The following C8orf90 variants were observed in gnomAD, a reference collection of about 807,000 sequenced individuals.
C8orf90 encodes the protein chromosome 8 open reading frame 90.
chr8:141,518,526 G>C, the C8orf90 span: 1 of 539,598 alleles, frequency 1.9e-6, no homozygotes, highest in Non-Finnish European at 3.2e-6. Flanking sequence ...CCCAGGCAGC[G>C]ATGCGCAAGC....
At chr8:141,516,676 T>G in the C8orf90 span, among the ~76,000 whole-genome samples, 1 of 152,142 alleles carries the variant, frequency 6.6e-6, no homozygotes, top group African/African-American at 2.4e-5. Context: ...GGCTTAAACA[T>G]CATCTCCCCA....
At chr8:141,516,971 T>C in the C8orf90 span, among the ~76,000 whole-genome samples, 1 of 152,206 alleles carries the variant, frequency 6.6e-6, no homozygotes, top group Non-Finnish European at 1.5e-5. Context: ...GTGCTCCTCA[T>C]GGCTGTAGTC....
At chr8:141,515,527 C>T in the C8orf90 span, among the ~76,000 whole-genome samples, 3 of 151,796 alleles carry the variant, frequency 2.0e-5, no homozygotes, top group South Asian at 2.1e-4. Flanking sequence ...CACCCAGCCA[C>T]CCACCCGACA....
At chr8:141,515,201 C>A in the C8orf90 span, among the ~76,000 whole-genome samples, 1 of 150,750 alleles carries the variant, frequency 6.6e-6, no homozygotes, top group Non-Finnish European at 1.5e-5. Flanking sequence ...CACCCATCCA[C>A]CCACCCATTC....
the C8orf90 span, chr8:141,518,673 G>T: frequency 1.8e-6 from 1 of 543,386 alleles, no homozygotes; most frequent in Middle Eastern, 4.0e-4. Flanking sequence ...CCCCAGGCTG[G>T]CCCAGGCCCC....
At chr8:141,518,514 G>T in the C8orf90 span, 64 of 564,954 alleles carry the variant, frequency 1.1e-4, no homozygotes, top group Non-Finnish European at 1.9e-4. Context: ...TGCACGCCAC[G>T]GCCCAGGCAG....
the C8orf90 span, among the ~76,000 whole-genome samples, chr8:141,515,158 G>GCAGC: frequency 1.5e-5 from 1 of 67,690 alleles, no homozygotes; most frequent in Non-Finnish European, 3.2e-5. Flanking sequence ...AGTGGGAGGG[G>GCAGC]CAGCCAGCCA....
chr8:141,516,205 G>A, the C8orf90 span, among the ~76,000 whole-genome samples: 6 of 152,100 alleles, frequency 3.9e-5, no homozygotes, highest in African/African-American at 9.7e-5. Context: ...TTCCCAGGTC[G>A]TTCCCACTGG....
chr8:141,516,950 C>A, the C8orf90 span, among the ~76,000 whole-genome samples: 1 of 152,216 alleles, frequency 6.6e-6, no homozygotes, highest in Non-Finnish European at 1.5e-5. Context: ...GGTGGAAGGA[C>A]CCCCACGTCT....
chr8:141,518,615 C>T, the C8orf90 span: 1 of 495,676 alleles, frequency 2.0e-6, no homozygotes, highest in Non-Finnish European at 3.5e-6. Flanking sequence ...TGCCCGGCCC[C>T]GCCGCCGCCT....
At chr8:141,515,897 T>G in the C8orf90 span, among the ~76,000 whole-genome samples, 4 of 152,186 alleles carry the variant, frequency 2.6e-5, no homozygotes, top group African/African-American at 4.8e-5. Context: ...TCTCCTCACC[T>G]AGCAACCACC....
At chr8:141,516,113 G>C in the C8orf90 span, among the ~76,000 whole-genome samples, 13 of 152,288 alleles carry the variant, frequency 8.5e-5, no homozygotes, top group Non-Finnish European at 1.6e-4. Context: ...GCAGCATTCA[G>C]CTTCTCCCAT....
the C8orf90 span, chr8:141,518,167 C>A: frequency 1.9e-6 from 1 of 535,270 alleles, no homozygotes; most frequent in East Asian, 3.5e-5. Context: ...GCGGGCCGCT[C>A]CCGGCCCTCC....
At chr8:141,518,665 C>T in the C8orf90 span, 1 of 542,768 alleles carries the variant, frequency 1.8e-6, no homozygotes, top group Admixed American at 3.5e-5. Context: ...GACGGCACCC[C>T]CAGGCTGGCC....
chr8:141,517,309 C>T, the C8orf90 span, among the ~76,000 whole-genome samples: 1 of 152,268 alleles, frequency 6.6e-6, no homozygotes, highest in African/African-American at 2.4e-5. Flanking sequence ...CTGTGTCCAC[C>T]TGACTACATT....
At chr8:141,516,407 C>T in the C8orf90 span, among the ~76,000 whole-genome samples, 1 of 152,196 alleles carries the variant, frequency 6.6e-6, no homozygotes, top group Non-Finnish European at 1.5e-5. Context: ...TTCACTAAAG[C>T]AGCTCTAGCA....
chr8:141,517,903 G>A, the C8orf90 span, among the ~76,000 whole-genome samples: 1 of 152,156 alleles, frequency 6.6e-6, no homozygotes, highest in East Asian at 1.9e-4. Context: ...GGTCACGCTG[G>A]CCAAAGTCTG....
the C8orf90 span, chr8:141,514,836 G>A: frequency 2.2e-5 from 15 of 684,890 alleles, no homozygotes; most frequent in East Asian, 4.1e-4. Flanking sequence ...GAATGTGGGA[G>A]CAGGAAGCGG....
At chr8:141,516,017 G>A in the C8orf90 span, among the ~76,000 whole-genome samples, 1 of 152,078 alleles carries the variant, frequency 6.6e-6, no homozygotes, top group South Asian at 2.1e-4. Context: ...GGACTTTGCT[G>A]GTGCCCACCC....
Sources: gnomAD v4.1 joint callset for allele counts (sites outside exome capture counted in the v4.1 genomes callset) on GRCh38, gnomAD v4.1.1 for gene constraint, MANE v1.5 for transcripts, NCBI Gene and HGNC (gene_info 2026-07-23, HGNC 2026-07-21) for gene names.